MAP3K5: variants seen among roughly 807,000 people sequenced by gnomAD.
MAP3K5 encodes the protein mitogen-activated protein kinase kinase kinase 5.
MAP3K5 carries 56 observed loss-of-function variants against 158.7 expected under a neutral mutation model. That is an observed-to-expected ratio of 0.35 (90% confidence interval 0.28 to 0.44). The LOEUF (loss-of-function observed/expected upper bound fraction) is 0.44, where lower values mean the gene tolerates loss of function less well. Among genes scored for constraint, MAP3K5 ranks in the 20% least tolerant of loss-of-function variants. MAP3K5 has a pLI of 1.00. For synonymous variants in MAP3K5, 579 were observed against 601.7 expected (o/e 0.96, Z 0.55); for missense variants, 1,294 against 1,674.8 (o/e 0.77, Z 3.97).
chr6:136,771,849 G>C (rs1173959559), intron 1 of MAP3K5, among the ~76,000 whole-genome samples: 1 of 152,082 alleles, frequency 6.6e-6, no homozygotes, highest in Admixed American at 6.5e-5. Flanking sequence ...GAAAATCCAT[G>C]TTTCCAACCT....
chr6:136,562,682 T>C (rs376146227), intron 26 of MAP3K5, 67 bp from the exon 27 acceptor site: 80 of 785,748 alleles, frequency 1.0e-4, no homozygotes, highest in African/African-American at 9.0e-4. Context: ...TTTATTTTTA[T>C]TTTTTTAGAT....
intron 1 of MAP3K5, among the ~76,000 whole-genome samples, chr6:136,776,902 G>T (rs1784422512): frequency 6.6e-6 from 1 of 152,162 alleles, no homozygotes. Context: ...CATCACGGCA[G>T]GATCGGTCCT....
chr6:136,679,726 G>A (rs1157725467), intron 7 of MAP3K5, among the ~76,000 whole-genome samples: 2 of 151,976 alleles, frequency 1.3e-5, no homozygotes, highest in East Asian at 3.8e-4. Context: ...TTTATGATCT[G>A]CTGTTTAATT....
chr6:136,692,077 TTC>T (rs1460358998), intron 7 of MAP3K5, among the ~76,000 whole-genome samples: 4 of 152,160 alleles, frequency 2.6e-5, no homozygotes, highest in African/African-American at 9.6e-5. Context: ...TTTTCTTTTT[TTC>T]TTTTTTTTAA....
At chr6:136,650,345 G>T (rs1026704107) in intron 11 of MAP3K5, among the ~76,000 whole-genome samples, 8 of 152,254 alleles carry the variant, frequency 5.3e-5, no homozygotes, top group African/African-American at 1.9e-4. Context: ...TCCTGAAAAT[G>T]TCTGTTTGTA....
At chr6:136,598,549 G>T (rs1775731869) in intron 21 of MAP3K5, among the ~76,000 whole-genome samples, 1 of 152,184 alleles carries the variant, frequency 6.6e-6, no homozygotes. Context: ...AAGCTGACAT[G>T]AATTACTTAA....
At chr6:136,627,767 A>G (rs1319993356) in intron 14 of MAP3K5, among the ~76,000 whole-genome samples, 1 of 152,154 alleles carries the variant, frequency 6.6e-6, no homozygotes, top group Non-Finnish European at 1.5e-5. Flanking sequence ...TGGAACTGTG[A>G]GCAAAGCATT....
intron 7 of MAP3K5, among the ~76,000 whole-genome samples, chr6:136,672,139 A>G (rs1406692041): frequency 6.6e-6 from 1 of 152,222 alleles, no homozygotes; most frequent in Admixed American, 6.5e-5. Context: ...AGCCATTTGT[A>G]TTGTGGACAA....
rs533804240 is a variant in MAP3K5 at position 136,696,849 on chromosome 6, G to C, written c.975+370C>G. On this transcript the variant is annotated intron_variant, in intron 5 of 29. Transcript: ENST00000359015. ...GCAATACAATTTCAAGGGATAAAAGGTATGTCCAGAAAGCTCTAAAAATGT... is the reference window on the plus strand; with the variant it reads ...GCAATACAATTTCAAGGGATAAAAGCTATGTCCAGAAAGCTCTAAAAATGT... Among the ~76,000 whole-genome samples, 9 of 152,310 alleles carry C rather than the reference G, an allele frequency of 5.9e-5. No homozygotes were observed. The East Asian group carries it at 1.7e-3, about 29-fold the overall frequency.
chr6:136,621,010 G>C (rs570171297), intron 15 of MAP3K5, among the ~76,000 whole-genome samples: 1 of 152,196 alleles, frequency 6.6e-6, no homozygotes, highest in South Asian at 2.1e-4. Context: ...TCAAGCATAG[G>C]TTGGTGCAAA....
chr6:136,610,350 G>C (rs1393319176), intron 18 of MAP3K5, among the ~76,000 whole-genome samples: 1 of 152,026 alleles, frequency 6.6e-6, no homozygotes, highest in East Asian at 1.9e-4. Flanking sequence ...CACCCTCCCA[G>C]TACTTTGCAC....
At chr6:136,696,243 C>CGT (rs1780596033) in intron 5 of MAP3K5, among the ~76,000 whole-genome samples, 186 bp from the exon 6 acceptor site, 1 of 151,994 alleles carries the variant, frequency 6.6e-6, no homozygotes. Flanking sequence ...AGGTTTAGAT[C>CGT]GTATATATAA....
At chr6:136,625,215 C>A (rs971049498) in intron 14 of MAP3K5, among the ~76,000 whole-genome samples, 1 of 152,136 alleles carries the variant, frequency 6.6e-6, no homozygotes, top group Non-Finnish European at 1.5e-5. Context: ...AGCAACTACT[C>A]AATTCTGCCA....
chr6:136,705,030 G>T, intron 3 of MAP3K5, 80 bp downstream of exon 3: 1 of 687,256 alleles, frequency 1.5e-6, no homozygotes, highest in Non-Finnish European at 2.4e-6. Flanking sequence ...ATAATTTGTG[G>T]AGATTTTAAA....
At chr6:136,646,531 C>T (rs953065752) in intron 11 of MAP3K5, among the ~76,000 whole-genome samples, 1 of 152,142 alleles carries the variant, frequency 6.6e-6, no homozygotes, top group African/African-American at 2.4e-5. Flanking sequence ...CTTCCAAATT[C>T]TTCTGGCTCT....
chr6:136,744,811 A>T (rs950734593), intron 1 of MAP3K5, among the ~76,000 whole-genome samples: 9 of 152,112 alleles, frequency 5.9e-5, no homozygotes, highest in Admixed American at 2.6e-4. Context: ...CAGAGATCCT[A>T]ATTTACTTGG....
At chr6:136,729,038 A>C (rs1433815270) in intron 1 of MAP3K5, among the ~76,000 whole-genome samples, 1 of 152,180 alleles carries the variant, frequency 6.6e-6, no homozygotes, top group Non-Finnish European at 1.5e-5. Context: ...TGGGTGTTAT[A>C]ATAACTAAAG....
chr6:136,694,167 G>A lies in MAP3K5; in HGVS notation c.1226C>T (p.Thr409Ile). 6.2e-7 allele frequency: 1 copy of A among 1,613,364 alleles called. No homozygotes were observed. Among genetic ancestry groups the A allele is most frequent in the Non-Finnish European group, 8.5e-7 (1 of 1,179,744 alleles). The change falls in exon 7 of 30, where the codon ACT becomes ATT. Residue 409 changes from threonine to isoleucine, a missense_variant. Around this residue, in one of 5 missense-constraint regions of MAP3K5, gnomAD observed 690 missense variants for 870.5 expected, o/e 0.79. Transcript: ENST00000359015. ...AGAAGCTCCATGGTCTCTGCTTTCA[G>A]TGTCCGTGAAATTAGAGTCCAAAAA... ...DMFLDSNFTDTESRDHGASWF... is the reference protein window; with the variant it reads ...DMFLDSNFTDIESRDHGASWF...
intron 2 of MAP3K5, among the ~76,000 whole-genome samples, chr6:136,714,794 G>A (rs2114752688): frequency 6.6e-6 from 1 of 152,210 alleles, no homozygotes; most frequent in South Asian, 2.1e-4. Context: ...ATTAAAATTT[G>A]CTGATTTTTA....
Sources: gnomAD v4.1 joint callset for allele counts (sites outside exome capture counted in the v4.1 genomes callset) on GRCh38, gnomAD v4.1.1 for gene constraint, gnomAD v4.1.1 regional missense constraint, MANE v1.5 for transcripts, NCBI Gene and HGNC (gene_info 2026-07-23, HGNC 2026-07-21) for gene names.